The following BLTP1 variants were observed in gnomAD, a reference collection of about 807,000 sequenced individuals.
BLTP1 encodes fragile site-associated protein.
chr4:122,204,913 G>T, the BLTP1 span: 3 of 582,256 alleles, frequency 5.2e-6, no homozygotes, highest in Non-Finnish European at 6.5e-6. Flanking sequence ...TTTGATAAAT[G>T]GAATTTTCTG....
the BLTP1 span, among the ~76,000 whole-genome samples, chr4:122,296,237 A>G: frequency 3.3e-5 from 5 of 152,234 alleles, no homozygotes; most frequent in African/African-American, 7.2e-5. Context: ...AAGTTGTGCA[A>G]TGTGCAAAAA....
the BLTP1 span, chr4:122,362,176 C>T: frequency 6.2e-7 from 1 of 1,613,146 alleles, no homozygotes; most frequent in African/African-American, 1.3e-5. Flanking sequence ...TCTGTCAGTT[C>T]TTATCAAAAA....
the BLTP1 span, chr4:122,347,497 G>T: frequency 2.5e-6 from 4 of 1,586,840 alleles, no homozygotes; most frequent in Admixed American, 5.5e-5. Context: ...TGGATTTTTT[G>T]TTTGTTTTGT....
At chr4:122,207,569 A>G in the BLTP1 span, 2 of 1,603,616 alleles carry the variant, frequency 1.2e-6, no homozygotes, top group Non-Finnish European at 1.7e-6. Flanking sequence ...GAGAAACACT[A>G]AACATTGATT....
the BLTP1 span, chr4:122,344,364 T>C: frequency 6.2e-7 from 1 of 1,612,108 alleles, no homozygotes; most frequent in South Asian, 1.1e-5. Flanking sequence ...GGGTTGTGTT[T>C]GTTTGTTTGT....
At chr4:122,256,207 C>G in the BLTP1 span, 1 of 977,170 alleles carries the variant, frequency 1.0e-6, no homozygotes, top group Non-Finnish European at 1.2e-6. Flanking sequence ...AGCCATTGTT[C>G]AGGCAAGTCA....
chr4:122,245,024 A>G, the BLTP1 span: 3 of 1,608,696 alleles, frequency 1.9e-6, no homozygotes, highest in Admixed American at 3.4e-5. Flanking sequence ...CCTCAGATAT[A>G]TTGAAGCAAT....
At chr4:122,204,490 A>T in the BLTP1 span, 2 of 964,040 alleles carry the variant, frequency 2.1e-6, no homozygotes, top group Non-Finnish European at 2.5e-6. Context: ...ACATTGCATG[A>T]CTTGGGCAGA....
At chr4:122,170,829 T>A in the BLTP1 span, 1 of 786,174 alleles carries the variant, frequency 1.3e-6, no homozygotes, top group Non-Finnish European at 2.0e-6. Flanking sequence ...TTGACTGAAG[T>A]TGGAACACTA....
chr4:122,276,132 A>G, the BLTP1 span: 1 of 962,450 alleles, frequency 1.0e-6, no homozygotes, highest in Non-Finnish European at 1.4e-6. Context: ...ATTGTTTTGT[A>G]GCTGTAATAT....
the BLTP1 span, among the ~76,000 whole-genome samples, chr4:122,214,882 G>C: frequency 6.6e-6 from 1 of 152,100 alleles, no homozygotes; most frequent in African/African-American, 2.4e-5. Context: ...GAAGTGCTGG[G>C]ATTACAGGCA....
the BLTP1 span, chr4:122,207,456 T>A: frequency 6.7e-7 from 1 of 1,484,892 alleles, no homozygotes; most frequent in East Asian, 2.4e-5. Flanking sequence ...AGTTGTGCAT[T>A]TTAGGCAATT....
the BLTP1 span, among the ~76,000 whole-genome samples, chr4:122,332,547 G>A: frequency 1.2e-4 from 18 of 151,486 alleles, no homozygotes; most frequent in East Asian, 2.9e-3. Flanking sequence ...AACCAGTCTC[G>A]CTAGAGATAC....
chr4:122,170,823 C>A, the BLTP1 span: 2 of 903,546 alleles, frequency 2.2e-6, no homozygotes, highest in South Asian at 1.8e-5. Flanking sequence ...CAGTGGTTGA[C>A]TGAAGTTGGA....
chr4:122,318,361 C>T, the BLTP1 span: 10 of 955,220 alleles, frequency 1.0e-5, no homozygotes, highest in East Asian at 5.1e-5. Context: ...ATCTAAAGCA[C>T]GTTACATGTA....
the BLTP1 span, chr4:122,187,617 G>GT: frequency 1.4e-4 from 154 of 1,113,492 alleles, no homozygotes; most frequent in Non-Finnish European, 1.6e-4. Context: ...GTTTTGTGGA[G>GT]TTTTTTTTAG....
the BLTP1 span, chr4:122,254,860 A>G: frequency 6.2e-7 from 1 of 1,613,770 alleles, no homozygotes; most frequent in Non-Finnish European, 8.5e-7. Flanking sequence ...GCTTGTTCCC[A>G]TTGACCAACT....
the BLTP1 span, chr4:122,154,933 T>C: frequency 1.0e-6 from 1 of 952,526 alleles, no homozygotes; most frequent in Non-Finnish European, 1.2e-6. Context: ...TTTCATAGAA[T>C]ATTGTGTATG....
the BLTP1 span, chr4:122,350,310 C>A: frequency 1.0e-6 from 1 of 984,878 alleles, no homozygotes; most frequent in Non-Finnish European, 1.2e-6. Context: ...TGCATCCATA[C>A]CCACTCCACG....
Sources: gnomAD v4.1 joint callset for allele counts (sites outside exome capture counted in the v4.1 genomes callset) on GRCh38, gnomAD v4.1.1 for gene constraint, MANE v1.5 for transcripts, NCBI Gene and HGNC (gene_info 2026-07-23, HGNC 2026-07-21) for gene names.